The following MGA variants were observed in gnomAD, a reference collection of about 807,000 sequenced individuals.
MGA encodes the protein MAX dimerization protein MGA, also known as MAX gene-associated protein.
In MGA, 40 loss-of-function variants were observed where a neutral mutation model predicts 261.1. The ratio of observed to expected loss-of-function variants is 0.15; its 90% CI spans 0.12 to 0.20. MGA has a LOEUF of 0.20. Among genes scored for constraint, MGA ranks in the 10% least tolerant of loss-of-function variants. The pLI, the probability that MGA is intolerant of heterozygous loss-of-function variation, is 1.00. For missense variants in MGA, 3,397 were observed against 3,630.5 expected (o/e 0.94, Z 1.65); for synonymous variants, 1,302 against 1,290.6 (o/e 1.01, Z -0.19).
chr15:41,664,327 G>A (rs1844700146), intron 1 of MGA, among the ~76,000 whole-genome samples: 1 of 152,194 alleles, frequency 6.6e-6, no homozygotes, highest in Non-Finnish European at 1.5e-5. Flanking sequence ...TTTACTTCAA[G>A]TGCAGTCTGA....
intron 1 of MGA, among the ~76,000 whole-genome samples, chr15:41,633,354 ATTTT>A (rs60602781): frequency 2.5e-4 from 28 of 112,550 alleles, no homozygotes; most frequent in East Asian, 6.9e-4. Flanking sequence ...CTCCTATGGT[ATTTT>A]TTTTTTTTTT....
rs935581136 is a variant in MGA at position 41,727,181 on chromosome 15, T to A, written c.3432T>A (p.Thr1144=). 5 of 1,611,856 alleles carry A rather than the reference T, an allele frequency of 3.1e-6. No homozygotes were observed. In the African/African-American group the frequency reaches 6.7e-5, roughly 22 times the overall value. ...ACCTTACCCTTCTTTTTTGTTAAGCTATATGTGAGACAGAGCCTGAACAGC... is the reference window on the plus strand; with the variant it reads ...ACCTTACCCTTCTTTTTTGTTAAGCAATATGTGAGACAGAGCCTGAACAGC... The change falls in exon 10 of 24, where the codon ACT becomes ACA. Residue 1144 remains threonine, a splice_region_variant and synonymous_variant. Transcript: ENST00000219905.
intron 1 of MGA, among the ~76,000 whole-genome samples, chr15:41,624,959 G>C (rs1234556384): frequency 6.6e-6 from 1 of 152,094 alleles, no homozygotes; most frequent in Non-Finnish European, 1.5e-5. Context: ...CTGGGTAACA[G>C]AGTGAGACCC....
chr15:41,729,077 C>CA, intron 10 of MGA, 87 bp from the exon 11 acceptor site: 8 of 1,371,224 alleles, frequency 5.8e-6, no homozygotes, highest in South Asian at 1.3e-5. Context: ...TGTTGTAATA[C>CA]AAAAAAAGAT....
rs1016507397 is a variant in MGA at position 41,757,946 on chromosome 15, C to G, written c.7191+107C>G. The stretch of plus-strand genomic sequence containing the variant: ...TATTAGCCACGATTTTTTCTCAGGG[C>G]TATTTTTGCCAGTGAGTTAATATAA... On this transcript the variant is annotated intron_variant, in intron 19 of 23. Coordinates refer to ENST00000219905, the MANE Select transcript of MGA (RefSeq NM_001164273.2). 3 of 862,140 alleles carry G rather than the reference C, an allele frequency of 3.5e-6. No homozygotes were observed. The African/African-American group carries it at 5.0e-5, about 15-fold the overall frequency. The allele number at this position is 862,140 out of a possible 1,614,324, so 53.4% of individuals were successfully genotyped here.
intron 3 of MGA, 103 bp downstream of exon 3, chr15:41,697,126 A>AGAT: frequency 9.8e-7 from 1 of 1,023,426 alleles, no homozygotes; most frequent in East Asian, 2.6e-5. Flanking sequence ...TGTGATATCT[A>AGAT]TTTGTGAGGG....
intron 1 of MGA, among the ~76,000 whole-genome samples, chr15:41,633,122 T>C (rs2056626167): frequency 6.6e-6 from 1 of 151,798 alleles, no homozygotes; most frequent in African/African-American, 2.4e-5. Context: ...TGGCTAATTT[T>C]GTATTTTTAG....
intron 5 of MGA, among the ~76,000 whole-genome samples, chr15:41,703,716 T>C (rs1241613331): frequency 6.6e-6 from 1 of 152,208 alleles, no homozygotes; most frequent in Non-Finnish European, 1.5e-5. Flanking sequence ...CACTCCAGCC[T>C]GGGCAACAGA....
At chr15:41,642,276 C>A (rs1283101394) in intron 1 of MGA, among the ~76,000 whole-genome samples, 1 of 150,958 alleles carries the variant, frequency 6.6e-6, no homozygotes, top group Non-Finnish European at 1.5e-5. Flanking sequence ...AAGTCCCTAG[C>A]CCATTTTTAA....
At chr15:41,626,532 C>T (rs1277040725) in intron 1 of MGA, among the ~76,000 whole-genome samples, 4 of 152,138 alleles carry the variant, frequency 2.6e-5, no homozygotes, top group African/African-American at 9.7e-5. Flanking sequence ...AAGTGATTCT[C>T]CTGCCTCAGC....
intron 1 of MGA, among the ~76,000 whole-genome samples, chr15:41,647,500 A>G (rs1032370092): frequency 6.6e-6 from 1 of 152,142 alleles, no homozygotes; most frequent in Non-Finnish European, 1.5e-5. Flanking sequence ...CTCCTTGGTT[A>G]TGAGGCTCTG....
chr15:41,640,819 C>T (rs1465134441), intron 1 of MGA, among the ~76,000 whole-genome samples: 5 of 152,134 alleles, frequency 3.3e-5, no homozygotes, highest in African/African-American at 1.2e-4. Context: ...GCCTGCCCTC[C>T]TCTTAGTTTT....
chr15:41,681,768 T>A (rs555477689), intron 2 of MGA, among the ~76,000 whole-genome samples: 1 of 152,316 alleles, frequency 6.6e-6, no homozygotes, highest in Admixed American at 6.5e-5. Flanking sequence ...CATTTTTTTA[T>A]GTTATGAGAT....
intron 2 of MGA, among the ~76,000 whole-genome samples, chr15:41,676,420 C>T (rs1178121826): frequency 1.3e-5 from 2 of 152,162 alleles, no homozygotes; most frequent in Non-Finnish European, 2.9e-5. Context: ...TCCCCAAGTG[C>T]CGGGATTACA....
At chr15:41,682,346 C>T (rs1384445692) in intron 2 of MGA, among the ~76,000 whole-genome samples, 1 of 152,154 alleles carries the variant, frequency 6.6e-6, no homozygotes, top group Non-Finnish European at 1.5e-5. Context: ...CATACTTCTT[C>T]GGGAGCTCTT....
chr15:41,645,305 T>C (rs914520217), intron 1 of MGA, among the ~76,000 whole-genome samples: 11 of 152,184 alleles, frequency 7.2e-5, no homozygotes, highest in Non-Finnish European at 5.9e-5. Flanking sequence ...AGAATTCTGT[T>C]AGGGCCGAGT....
Position 41,669,683 on chromosome 15 carries a change from G to A in MGA, c.789G>A (p.Leu263=). 1.9e-6 allele frequency: 3 copies of A among 1,613,514 alleles called. No homozygotes were observed. The highest frequency in any genetic ancestry group is 2.5e-6 in the Non-Finnish European group (3 of 1,179,658). The change falls in exon 2 of 24, where the codon CTG becomes CTA. Residue 263 remains leucine, a synonymous_variant. Transcript: ENST00000219905. Reference sequence around the variant, plus strand: ...CCAAAGGCTTTCGGGATGATGGGCTGAATAATAAGCCCCAGAGAGATGGAA... The same window carrying A: ...CCAAAGGCTTTCGGGATGATGGGCTAAATAATAAGCCCCAGAGAGATGGAA...
At chr15:41,661,504 T>C (rs10775124) in intron 1 of MGA, among the ~76,000 whole-genome samples, 114,862 of 151,914 alleles carry the variant, frequency 0.76, 44,629 homozygotes, top group East Asian at 0.89. Flanking sequence ...ATGCCTTCTT[T>C]CTCTGGCCGG....
At chr15:41,662,242 T>C (rs1462198693) in intron 1 of MGA, among the ~76,000 whole-genome samples, 1 of 152,174 alleles carries the variant, frequency 6.6e-6, no homozygotes, top group Non-Finnish European at 1.5e-5. Context: ...TACTTCAAGT[T>C]TGACTACTGC....
Sources: allele counts gnomAD v4.1 joint callset (sites outside exome capture counted in the v4.1 genomes callset), GRCh38; gene constraint gnomAD v4.1.1; transcripts MANE v1.5; gene names NCBI Gene and HGNC (gene_info 2026-07-23, HGNC 2026-07-21).